The following ITSN1 variants were observed in gnomAD, a reference collection of about 807,000 sequenced individuals.
The protein encoded by ITSN1 is intersectin-1.
ITSN1 carries 58 observed loss-of-function variants against 239.8 expected under a neutral mutation model. The ratio of observed to expected loss-of-function variants is 0.24; its 90% CI spans 0.20 to 0.30. The LOEUF (loss-of-function observed/expected upper bound fraction) is 0.30. Ranked by LOEUF, ITSN1 falls within the 10% of genes least tolerant of loss-of-function variation. ITSN1 has a pLI of 1.00. For missense variants in ITSN1, 1,558 were observed against 2,103.3 expected, an observed-to-expected ratio of 0.74 and a Z score of 5.07; for synonymous variants, 780 against 770.8, an observed-to-expected ratio of 1.01 and a Z score of -0.20.
intron 1 of ITSN1, among the ~76,000 whole-genome samples, chr21:33,661,830 A>G (rs8134052): frequency 1.1e-3 from 169 of 151,706 alleles, no homozygotes; most frequent in African/African-American, 3.7e-3. Context: ...TGTGAGACAT[A>G]CCTTTTGCCT....
At chr21:33,875,644 C>G in intron 34 of ITSN1, 123 bp downstream of exon 34, 1 of 835,746 alleles carries the variant, frequency 1.2e-6, no homozygotes, top group South Asian at 1.8e-5. Context: ...CATTTCCATC[C>G]AGCTGCTTCT....
At chr21:33,819,100 T>C in intron 23 of ITSN1, 141 bp from the exon 24 acceptor site, 2 of 621,224 alleles carry the variant, frequency 3.2e-6, no homozygotes. Context: ...TATGTGTTTT[T>C]AACCTAGCTA....
At chr21:33,683,326 T>C (rs2091071374) in intron 1 of ITSN1, among the ~76,000 whole-genome samples, 1 of 152,214 alleles carries the variant, frequency 6.6e-6, no homozygotes. Flanking sequence ...GTGACGGATG[T>C]GCTAGATAAG....
intron 14 of ITSN1, 77 bp downstream of exon 14, chr21:33,775,185 A>C (rs1339069359): frequency 6.8e-7 from 1 of 1,471,888 alleles, no homozygotes; most frequent in Non-Finnish European, 9.3e-7. Flanking sequence ...TTACTTACTT[A>C]TTCAGTAAAC....
At chr21:33,744,933 T>C (rs534480699) in intron 5 of ITSN1, among the ~76,000 whole-genome samples, 1 of 152,362 alleles carries the variant, frequency 6.6e-6, no homozygotes, top group Non-Finnish European at 1.5e-5. Flanking sequence ...CAGGCATTTA[T>C]TATGCCTTTT....
intron 29 of ITSN1, among the ~76,000 whole-genome samples, chr21:33,844,907 G>A (rs957371946): frequency 3.3e-5 from 5 of 152,054 alleles, no homozygotes; most frequent in South Asian, 2.1e-4. Context: ...ACATCTGCCC[G>A]TCCTGTCCGC....
At chr21:33,663,672 G>A (rs537305432) in intron 1 of ITSN1, among the ~76,000 whole-genome samples, 2 of 152,070 alleles carry the variant, frequency 1.3e-5, no homozygotes, top group African/African-American at 2.4e-5. Flanking sequence ...GCACGATCTC[G>A]GCTTACCGCA....
intron 4 of ITSN1, among the ~76,000 whole-genome samples, chr21:33,732,141 C>G (rs888242842): frequency 6.6e-6 from 1 of 152,154 alleles, no homozygotes; most frequent in Non-Finnish European, 1.5e-5. Flanking sequence ...TGTGGGTTAT[C>G]ATAAGTGGTT....
At chr21:33,874,304 C>T (rs887991284) in intron 33 of ITSN1, among the ~76,000 whole-genome samples, 4 of 152,064 alleles carry the variant, frequency 2.6e-5, no homozygotes, top group African/African-American at 9.7e-5. Flanking sequence ...TAGAAAAGCG[C>T]ACACTTGCTC....
chr21:33,743,227 A>G (rs1333907808), intron 5 of ITSN1, among the ~76,000 whole-genome samples: 3 of 152,374 alleles, frequency 2.0e-5, no homozygotes, highest in Non-Finnish European at 1.5e-5. Context: ...GCACTTTAAG[A>G]GGCCGAGGTG....
intron 29 of ITSN1, among the ~76,000 whole-genome samples, chr21:33,850,636 G>A (rs967344505): frequency 5.9e-5 from 9 of 152,230 alleles, no homozygotes; most frequent in Non-Finnish European, 1.0e-4. Flanking sequence ...CGTGGATGCT[G>A]CTTCACAGCA....
intron 22 of ITSN1, chr21:33,818,006 G>A (rs1265880348): frequency 1.0e-5 from 5 of 489,376 alleles, no homozygotes; most frequent in Non-Finnish European, 1.8e-5. Flanking sequence ...TGACCTCCTG[G>A]CTTTTTGAAA....
At position 33,888,259 on chromosome 21, in the gene ITSN1, A is replaced by G; in HGVS notation, c.5125A>G (p.Ile1709Val). ...LLLHEVPTGE[I>V]VVRLDLQLFD... is the part of the protein sequence containing the mutation. ...GCTGCACGAAGTCCCCACGGGAGAG[A>G]TTGTGGTCCGCTTGGACCTGCAGTT... Residue 1709 changes from isoleucine to valine, a missense_variant, in exon 40 of 40, where the codon ATT becomes GTT. Transcript: ENST00000381318. The G allele has an allele frequency of 6.2e-7, 1 of 1,613,990 alleles. No homozygotes were observed. Among genetic ancestry groups the G allele is most frequent in the South Asian group, 1.1e-5 (1 of 91,072 alleles).
At chr21:33,755,128 G>A (rs2067821818) in intron 7 of ITSN1, among the ~76,000 whole-genome samples, 169 bp from the exon 8 acceptor site, 1 of 152,110 alleles carries the variant, frequency 6.6e-6, no homozygotes, top group Non-Finnish European at 1.5e-5. Flanking sequence ...TCTTAAAAAT[G>A]GGAAATACCC....
rs752805976 is a variant in ITSN1, at chr21:33,817,427, C to G, written c.2728-840C>G. ...TCAAGGCCCATCTCAGATGCTGCCCCCTCTGTGAAATTTACGCTGATGCCC... is the reference window on the plus strand; with the variant it reads ...TCAAGGCCCATCTCAGATGCTGCCCGCTCTGTGAAATTTACGCTGATGCCC... On this transcript the variant is annotated intron_variant, in intron 22 of 39. Transcript: ENST00000381318. 1.9e-5 allele frequency: 25 copies of G among 1,304,450 alleles called. No homozygotes were observed. The South Asian group carries it at 2.6e-4, about 14-fold the overall frequency. The allele number at this position is 1,304,450 out of a possible 1,614,324, so 80.8% of individuals were successfully genotyped here.
chr21:33,755,065 G>A (rs887953512), intron 7 of ITSN1, among the ~76,000 whole-genome samples: 15 of 152,116 alleles, frequency 9.9e-5, no homozygotes, highest in African/African-American at 3.6e-4. Context: ...AGTCTATTGT[G>A]TTTATCCATG....
intron 38 of ITSN1, among the ~76,000 whole-genome samples, chr21:33,885,760 A>C (rs1007957220): frequency 1.3e-5 from 2 of 152,144 alleles, no homozygotes; most frequent in African/African-American, 4.8e-5. Context: ...TGGATGTGAC[A>C]CAAGATCAGG....
chr21:33,814,187 T>G, intron 22 of ITSN1, 115 bp downstream of exon 22: 1 of 1,191,710 alleles, frequency 8.4e-7, no homozygotes, highest in Non-Finnish European at 1.2e-6. Context: ...TGTGTCTTGG[T>G]TGGCTGGCAG....
chr21:33,645,319 A>G (rs1309992534), intron 1 of ITSN1, among the ~76,000 whole-genome samples: 1 of 152,054 alleles, frequency 6.6e-6, no homozygotes, highest in Non-Finnish European at 1.5e-5. Flanking sequence ...GCCTCAGATC[A>G]CTTACATCAG....
Sources: allele counts gnomAD v4.1 joint callset (sites outside exome capture counted in the v4.1 genomes callset), GRCh38; gene constraint gnomAD v4.1.1; transcripts MANE v1.5; gene names NCBI Gene and HGNC (gene_info 2026-07-23, HGNC 2026-07-21).